The following MAPK10 variants were observed in gnomAD, a reference collection of about 807,000 sequenced individuals.
The protein encoded by MAPK10 is mitogen-activated protein kinase 10, also known as JNK3 alpha protein kinase.
Under a neutral mutation model 59.3 loss-of-function variants are expected in MAPK10, and 25 were observed. The ratio of observed to expected loss-of-function variants is 0.42; its 90% CI spans 0.31 to 0.59. The LOEUF (loss-of-function observed/expected upper bound fraction) is 0.59, where lower values mean the gene tolerates loss of function less well. MAPK10 is among the 20% of genes least tolerant of loss of function. The probability of loss-of-function intolerance (pLI) is 0.15; values close to 1 mark genes in which losing one functional copy is unlikely to be tolerated. For synonymous variants in MAPK10, 190 were observed against 200.5 expected (o/e 0.95, Z 0.44); for missense variants, 351 against 568.9 (o/e 0.62, Z 3.90).
intron 2 of MAPK10, among the ~76,000 whole-genome samples, chr4:86,255,177 C>T (rs1583564464): frequency 6.6e-6 from 1 of 151,932 alleles, no homozygotes; most frequent in Non-Finnish European, 1.5e-5. Flanking sequence ...TGGAGAAGCC[C>T]TCCTAGCTGA....
chr4:86,323,081 G>A (rs1453055345), intron 2 of MAPK10, among the ~76,000 whole-genome samples: 4 of 152,200 alleles, frequency 2.6e-5, no homozygotes, highest in Middle Eastern at 3.2e-3. Context: ...GGCTGAGGCA[G>A]GAGAATCTCT....
intron 2 of MAPK10, among the ~76,000 whole-genome samples, chr4:86,317,921 T>C (rs985604797): frequency 2.6e-5 from 4 of 152,216 alleles, no homozygotes; most frequent in African/African-American, 9.6e-5. Flanking sequence ...GCCTCGTTTC[T>C]TGCTTCTTGC....
At position 86,351,284 on chromosome 4, in the gene MAPK10, G is replaced by A. The variant is rs1006634766; in HGVS notation, c.-7+3246C>T. Reference sequence around the variant, plus strand: ...TATATATATATACACACACACACACGCAATATATATATGACAATGTATTGT... The same window carrying A: ...TATATATATATACACACACACACACACAATATATATATGACAATGTATTGT... On this transcript the variant is annotated intron_variant, in intron 2 of 13. Transcript: ENST00000641462. Among the ~76,000 whole-genome samples the A allele has an allele frequency of 2.8e-5, 4 of 142,744 alleles. No homozygotes were observed. The East Asian group carries it at 6.2e-4, about 22-fold the overall frequency. 93.6% of individuals were successfully genotyped at this position (142,744 alleles called of 152,430 possible). A position where few individuals can be genotyped will look rare whatever the true frequency, so the allele number is the denominator to read the frequency against.
chr4:86,411,063 C>T (rs1745110294), intron 1 of MAPK10, among the ~76,000 whole-genome samples: 1 of 152,196 alleles, frequency 6.6e-6, no homozygotes, highest in African/African-American at 2.4e-5. Flanking sequence ...TCTCTACACA[C>T]TGCTTTAAAT....
chr4:86,430,479 G>C (rs1260296484), intron 1 of MAPK10, among the ~76,000 whole-genome samples: 2 of 152,130 alleles, frequency 1.3e-5, no homozygotes, highest in Non-Finnish European at 2.9e-5. Context: ...AGGAGAGAGA[G>C]AGAATTCCTG....
intron 9 of MAPK10, among the ~76,000 whole-genome samples, chr4:86,074,738 T>C (rs1360732592): frequency 7.1e-6 from 1 of 141,760 alleles, no homozygotes; most frequent in African/African-American, 2.8e-5. Flanking sequence ...CTCTTCTGGC[T>C]TGTAGGGTTT....
At chr4:86,441,777 C>T (rs1187475867) in intron 1 of MAPK10, among the ~76,000 whole-genome samples, 1 of 152,200 alleles carries the variant, frequency 6.6e-6, no homozygotes, top group Non-Finnish European at 1.5e-5. Context: ...GATGGACAAG[C>T]ATCTGTCTAC....
intron 1 of MAPK10, among the ~76,000 whole-genome samples, chr4:86,395,666 A>G (rs1742809572): frequency 6.6e-6 from 1 of 152,212 alleles, no homozygotes; most frequent in Admixed American, 6.5e-5. Context: ...GGTGGCTTAA[A>G]GGAGAGATAT....
intron 1 of MAPK10, among the ~76,000 whole-genome samples, chr4:86,391,454 G>A (rs1742168265): frequency 6.6e-6 from 1 of 152,146 alleles, no homozygotes; most frequent in Non-Finnish European, 1.5e-5. Context: ...TACCATGATT[G>A]AAGAATAATA....
intron 3 of MAPK10, chr4:86,193,166 C>A: frequency 6.4e-6 from 1 of 156,406 alleles, no homozygotes; most frequent in Non-Finnish European, 1.4e-5. Context: ...GGGGCACCTG[C>A]CAGATGCCAG....
At chr4:86,283,210 T>A (rs574251300) in intron 2 of MAPK10, among the ~76,000 whole-genome samples, 7 of 152,300 alleles carry the variant, frequency 4.6e-5, no homozygotes, top group Admixed American at 2.6e-4. Context: ...TCTCTCTGAA[T>A]AAGCCCTGGC....
intron 1 of MAPK10, among the ~76,000 whole-genome samples, chr4:86,359,252 G>GTTT (rs150608851): frequency 3.6e-5 from 2 of 54,896 alleles, no homozygotes; most frequent in Non-Finnish European, 4.7e-5. Flanking sequence ...GCTGTTTGGT[G>GTTT]TTTTTTTTTT....
At chr4:86,432,342 T>A (rs538953414) in intron 1 of MAPK10, among the ~76,000 whole-genome samples, 1 of 152,282 alleles carries the variant, frequency 6.6e-6, no homozygotes, top group South Asian at 2.1e-4. Context: ...TGGTGTAATC[T>A]CCACTCACTG....
chr4:86,144,141 T>C (rs969504457), intron 4 of MAPK10, among the ~76,000 whole-genome samples: 23 of 152,316 alleles, frequency 1.5e-4, no homozygotes, highest in Admixed American at 3.3e-4. Context: ...AACACATATG[T>C]GTATATAGCC....
chr4:86,348,124 C>T (rs565533788), intron 2 of MAPK10, among the ~76,000 whole-genome samples: 1 of 152,192 alleles, frequency 6.6e-6, no homozygotes, highest in East Asian at 1.9e-4. Flanking sequence ...TGTTACTATT[C>T]CTTGGAATTC....
At chr4:86,297,509 C>T (rs914594324) in intron 2 of MAPK10, among the ~76,000 whole-genome samples, 8 of 152,128 alleles carry the variant, frequency 5.3e-5, no homozygotes, top group Non-Finnish European at 1.2e-4. Flanking sequence ...GACGCGGTTT[C>T]ACCATGTTGG....
intron 2 of MAPK10, among the ~76,000 whole-genome samples, chr4:86,232,169 C>T (rs1481632544): frequency 2.0e-5 from 3 of 152,110 alleles, no homozygotes; most frequent in African/African-American, 7.2e-5. Context: ...TCCAATAAAA[C>T]TTTATTTACA....
At chr4:86,465,408 A>C (rs1752112469) in intron 1 of MAPK10, among the ~76,000 whole-genome samples, 2 of 152,264 alleles carry the variant, frequency 1.3e-5, no homozygotes. Context: ...CATAGTGGAA[A>C]GAATGAATCT....
chr4:86,502,460 A>G (rs906281761), intron 1 of MAPK10, among the ~76,000 whole-genome samples: 2 of 152,026 alleles, frequency 1.3e-5, no homozygotes, highest in Admixed American at 6.6e-5. Flanking sequence ...TGACTTAATA[A>G]TATGAAGTAC....
Sources: allele counts gnomAD v4.1 joint callset (sites outside exome capture counted in the v4.1 genomes callset), GRCh38; gene constraint gnomAD v4.1.1; transcripts MANE v1.5; gene names NCBI Gene and HGNC (gene_info 2026-07-23, HGNC 2026-07-21).